TBK1: variants seen among roughly 807,000 people sequenced by gnomAD.
The protein encoded by TBK1 is serine/threonine-protein kinase TBK1.
TBK1 carries 37 observed loss-of-function variants against 99.9 expected under a neutral mutation model. The observed-to-expected ratio is 0.37, with a 90% CI of 0.28 to 0.49. TBK1 has a LOEUF of 0.49. Ranked by LOEUF, TBK1 falls within the 20% of genes least tolerant of loss-of-function variation. The pLI is 0.98. For missense variants in TBK1, 644 were observed against 872.5 expected (o/e 0.74, Z 3.30); for synonymous variants, 258 against 279.8 (o/e 0.92, Z 0.78).
At chr12:64,476,713 A>G (rs1318505322) in intron 6 of TBK1, among the ~76,000 whole-genome samples, 1 of 151,796 alleles carries the variant, frequency 6.6e-6, no homozygotes, top group African/African-American at 2.4e-5. Context: ...GTTGCATTTG[A>G]TTTTGGGGTA....
At chr12:64,485,060 A>G (rs1467922094) in intron 9 of TBK1, among the ~76,000 whole-genome samples, 1 of 152,192 alleles carries the variant, frequency 6.6e-6, no homozygotes, top group Non-Finnish European at 1.5e-5. Flanking sequence ...TGCAGTATGT[A>G]TAGAACATTG....
chr12:64,455,000 T>C lies in TBK1; in HGVS notation c.-31-840T>C, dbSNP rs1266234241. On this transcript the variant is annotated intron_variant, in intron 1 of 20. Coordinates refer to ENST00000331710, the MANE Select transcript of TBK1 (RefSeq NM_013254.4). ...CCAATTTTTTTTTTTTCTTTTTTTT[T>C]TTTTTGCGATGGAGTCTTGCTCTGT... Among the ~76,000 whole-genome samples the C allele has an allele frequency of 4.0e-5, 6 of 148,942 alleles. No individual in the cohort carries two copies. In the East Asian group the frequency reaches 1.2e-3, roughly 30 times the overall value.
At chr12:64,465,935 T>C (rs2040599139) in intron 4 of TBK1, among the ~76,000 whole-genome samples, 1 of 152,110 alleles carries the variant, frequency 6.6e-6, no homozygotes, top group Admixed American at 6.6e-5. Context: ...AGTGAACCTA[T>C]TTTTTAAAAA....
intron 5 of TBK1, among the ~76,000 whole-genome samples, chr12:64,471,103 A>C (rs907431158): frequency 6.6e-6 from 1 of 152,114 alleles, no homozygotes; most frequent in Non-Finnish European, 1.5e-5. Context: ...ACTACAACCC[A>C]TATGTTAAAT....
intron 1 of TBK1, chr12:64,452,707 G>A (rs1376683628): frequency 1.3e-5 from 2 of 152,206 alleles, no homozygotes; most frequent in Non-Finnish European, 2.9e-5. Context: ...GTCCGCAGAG[G>A]TTGACTCACA....
chr12:64,472,488 ATCT>A (rs1345766892), intron 5 of TBK1, among the ~76,000 whole-genome samples: 2 of 152,200 alleles, frequency 1.3e-5, no homozygotes, highest in African/African-American at 4.8e-5. Context: ...TCTTCCAAAA[ATCT>A]TCAAGTTGCA....
chr12:64,489,919 T>C (rs2136082507), intron 12 of TBK1, 122 bp from the exon 13 acceptor site: 1 of 650,772 alleles, frequency 1.5e-6, no homozygotes, highest in Non-Finnish European at 2.4e-6. Flanking sequence ...TTATAGACTT[T>C]GAATCAATTT....
intron 1 of TBK1, among the ~76,000 whole-genome samples, chr12:64,453,253 A>G (rs1314737801): frequency 6.6e-6 from 1 of 152,200 alleles, no homozygotes; most frequent in Non-Finnish European, 1.5e-5. Context: ...ATAGTTTTGT[A>G]TTTGCATAGA....
intron 13 of TBK1, among the ~76,000 whole-genome samples, chr12:64,493,062 AT>A (rs1250695009): frequency 1.3e-5 from 2 of 151,538 alleles, no homozygotes; most frequent in African/African-American, 4.8e-5. Context: ...GGCCCGGCTA[AT>A]TTTTGCATTT....
At chr12:64,470,075 A>G (rs1305210534) in intron 5 of TBK1, among the ~76,000 whole-genome samples, 1 of 152,216 alleles carries the variant, frequency 6.6e-6, no homozygotes, top group African/African-American at 2.4e-5. Flanking sequence ...AACAGAAAAG[A>G]TGGCAGTTTT....
intron 13 of TBK1, 152 bp from the exon 14 acceptor site, chr12:64,495,331 C>G: frequency 1.0e-6 from 1 of 970,880 alleles, no homozygotes; most frequent in East Asian, 2.6e-5. Context: ...ACCTAAGAAA[C>G]TCTTTTGTAT....
At position 64,488,537 on chromosome 12, in the gene TBK1, T is replaced by C. The variant is rs35635889; in HGVS notation, c.1391T>C (p.Val464Ala). The change falls in exon 12 of 21, where the codon GTT becomes GCT. Residue 464 changes from valine to alanine, a missense_variant. Transcript: ENST00000331710. The stretch of plus-strand genomic sequence containing the variant: ...GAAACTGTTCACAAAAAGACAGAAG[T>C]TGTGATCACATTGGATTTCTGTATC... ...YNETVHKKTE[V>A]VITLDFCIRN... 0.019 allele frequency: 30,478 copies of C among 1,604,966 alleles called. 317 individuals carry two copies. The highest frequency in any genetic ancestry group is 0.022 in the Non-Finnish European group (26,439 of 1,176,742).
chr12:64,472,455 A>G (rs1191837564), intron 5 of TBK1, among the ~76,000 whole-genome samples: 2 of 152,168 alleles, frequency 1.3e-5, no homozygotes, highest in African/African-American at 2.4e-5. Context: ...ACTTTGGTCC[A>G]TACGTACACT....
At chr12:64,490,611 T>TTGAA (rs1592372894) in intron 13 of TBK1, among the ~76,000 whole-genome samples, 1 of 152,150 alleles carries the variant, frequency 6.6e-6, no homozygotes, top group East Asian at 1.9e-4. Flanking sequence ...TCACATGCAG[T>TTGAA]TGAATGTAAA....
intron 6 of TBK1, among the ~76,000 whole-genome samples, chr12:64,479,393 G>A (rs2040745112): frequency 6.6e-6 from 1 of 152,140 alleles, no homozygotes; most frequent in Non-Finnish European, 1.5e-5. Context: ...GGCTGCCACT[G>A]CTGAGGAAGC....
chr12:64,490,219 A>G lies in TBK1; in HGVS notation c.1521+100A>G, dbSNP rs1050720092. The stretch of plus-strand genomic sequence containing the variant: ...TCTTAGGAGCTAGGCATGGTAGTAC[A>G]CACCTAGAGTCGCAACTACTCAGGA... On this transcript the variant is annotated intron_variant, in intron 13 of 20. Transcript: ENST00000331710. 1.2e-5 allele frequency: 9 copies of G among 750,072 alleles called. No homozygotes were observed. The East Asian group carries it at 2.7e-4, about 23-fold the overall frequency. 46.5% of individuals were successfully genotyped at this position (750,072 alleles called of 1,614,324 possible). A position where few individuals can be genotyped will look rare whatever the true frequency, so the allele number is the denominator to read the frequency against.
chr12:64,474,495 AT>A, intron 6 of TBK1, 105 bp downstream of exon 6: 2 of 1,108,886 alleles, frequency 1.8e-6, no homozygotes, highest in Non-Finnish European at 2.6e-6. Context: ...TGATTTAACA[AT>A]CATTTCTGAT....
chr12:64,462,765 C>G (rs1025293203), intron 3 of TBK1, among the ~76,000 whole-genome samples: 8 of 152,146 alleles, frequency 5.3e-5, no homozygotes, highest in Admixed American at 2.6e-4. Flanking sequence ...TTTTCAGATT[C>G]TGAAATTGTC....
intron 11 of TBK1, among the ~76,000 whole-genome samples, chr12:64,487,367 C>A (rs1274599264): frequency 6.6e-6 from 1 of 152,136 alleles, no homozygotes; most frequent in Non-Finnish European, 1.5e-5. Flanking sequence ...TACCTCATAC[C>A]CACCCCGTCT....
Sources: allele counts gnomAD v4.1 joint callset (sites outside exome capture counted in the v4.1 genomes callset), GRCh38; gene constraint gnomAD v4.1.1; transcripts MANE v1.5; gene names NCBI Gene and HGNC (gene_info 2026-07-23, HGNC 2026-07-21).